Variants in TMEM248 observed in about 807,000 individuals in gnomAD.
TMEM248 encodes transmembrane protein 248.
A neutral mutation model predicts 30.3 loss-of-function variants in TMEM248; 9 were observed. That is an observed-to-expected ratio of 0.30 (90% CI 0.18 to 0.52). The LOEUF (loss-of-function observed/expected upper bound fraction) is 0.52. TMEM248 is among the 20% of genes least tolerant of loss of function. The pLI is 0.97. For missense variants in TMEM248, 338 were observed against 403.3 expected, an observed-to-expected ratio of 0.84 and a Z score of 1.39; for synonymous variants, 184 against 154.4, an observed-to-expected ratio of 1.19 and a Z score of -1.42.
chr7:66,921,470 G>A lies in TMEM248; in HGVS notation c.-19+9G>A, dbSNP rs1481578738. 1 of 150,970 alleles carries A rather than the reference G, an allele frequency of 6.6e-6. No homozygotes were observed. The highest frequency in any genetic ancestry group is 1.5e-5 in the Non-Finnish European group (1 of 67,690). 9.4% of individuals were successfully genotyped at this position (150,970 alleles called of 1,614,324 possible). On this transcript the variant is annotated intron_variant, in intron 1 of 6. Transcript: ENST00000341567. The stretch of plus-strand genomic sequence containing the variant: ...CTGCCCGCCGGGGCGGGGTGAGCCG[G>A]GGCTGGAGGGCGGGCTGGGGTCGGG...
intron 1 of TMEM248, among the ~76,000 whole-genome samples, chr7:66,940,028 A>C (rs1791907179): frequency 1.3e-5 from 2 of 151,834 alleles, no homozygotes. Flanking sequence ...ATCCTGTCTT[A>C]CTGCAACCTC....
intron 1 of TMEM248, among the ~76,000 whole-genome samples, chr7:66,929,988 C>A (rs1056216707): frequency 6.6e-6 from 1 of 151,906 alleles, no homozygotes; most frequent in African/African-American, 2.4e-5. Context: ...GGCAAAATCC[C>A]ATCTCTACAA....
intron 1 of TMEM248, among the ~76,000 whole-genome samples, chr7:66,923,890 C>T (rs1791454205): frequency 6.6e-6 from 1 of 151,950 alleles, no homozygotes; most frequent in Admixed American, 6.6e-5. Flanking sequence ...GGTCTCAAAC[C>T]CTTGACGTCA....
At chr7:66,934,493 G>T (rs556773370) in intron 1 of TMEM248, among the ~76,000 whole-genome samples, 1 of 152,114 alleles carries the variant, frequency 6.6e-6, no homozygotes, top group East Asian at 1.9e-4. Context: ...GAACCACTGC[G>T]CCCGGTCCAT....
At position 66,929,426 on chromosome 7, in the gene TMEM248, A is replaced by ATTTTTTTTTTTTTTTTT. The variant is rs35126436; in HGVS notation, c.-19+7977_-19+7993dup. ...ACAATATCATGGAAATGAGAGACAAATTTTTTTTTTTTTTTTTTTTTTTTT... is the reference window on the plus strand; with the variant it reads ...ACAATATCATGGAAATGAGAGACAAATTTTTTTTTTTTTTTTTTTTTTTTTTTTTTTTTTTTTTTTTT... On this transcript the variant is annotated intron_variant, in intron 1 of 6. Transcript: ENST00000341567. Among the ~76,000 whole-genome samples the ATTTTTTTTTTTTTTTTT allele has an allele frequency of 3.1e-4, 30 of 97,672 alleles. 2 individuals carry two copies. Among genetic ancestry groups the ATTTTTTTTTTTTTTTTT allele is most frequent in the Admixed American group, 9.1e-4 (7 of 7,674 alleles). The allele number at this position is 97,672 out of a possible 152,430, so 64.1% of individuals were successfully genotyped here.
chr7:66,951,347 T>A (rs1792264964), intron 5 of TMEM248: 3 of 420,976 alleles, frequency 7.1e-6, no homozygotes, highest in African/African-American at 2.0e-5. Flanking sequence ...CTGGTTTTTC[T>A]CTTCATTTTC....
chr7:66,941,748 C>A, intron 1 of TMEM248, 100 bp from the exon 2 acceptor site: 1 of 959,224 alleles, frequency 1.0e-6, no homozygotes, highest in Non-Finnish European at 1.5e-6. Flanking sequence ...GAGTGCCCAT[C>A]CCACCCAGCT....
intron 3 of TMEM248, among the ~76,000 whole-genome samples, chr7:66,947,649 G>A (rs1792145858): frequency 1.3e-5 from 2 of 152,052 alleles, no homozygotes; most frequent in Non-Finnish European, 2.9e-5. Context: ...TGATCCGCCC[G>A]CCTCAGCCTC....
chr7:66,945,085 C>A lies in TMEM248; in HGVS notation c.269C>A (p.Thr90Asn). ...NDTTTPESTM[T>N]SGQARASTQS... ...ACCACAACTCCGGAAAGTACAATGA[C>A]CAGCGGGCAGGCCCGAGCTTCCACC... The change falls in exon 3 of 7, where the codon ACC becomes AAC. Residue 90 changes from threonine to asparagine, a missense_variant. Physicochemically the swap from Thr to Asn is moderately conservative, Grantham distance 65. Transcript: ENST00000341567. 6.2e-7 allele frequency: 1 copy of A among 1,614,216 alleles called. No individual in the cohort carries two copies.
At chr7:66,937,833 C>T (rs1791844349) in intron 1 of TMEM248, among the ~76,000 whole-genome samples, 1 of 152,156 alleles carries the variant, frequency 6.6e-6, no homozygotes, top group South Asian at 2.1e-4. Flanking sequence ...GCCTCAGTCT[C>T]CCGAGTAGCT....
intron 2 of TMEM248, among the ~76,000 whole-genome samples, chr7:66,942,732 G>A (rs941937139): frequency 1.3e-5 from 2 of 152,094 alleles, no homozygotes; most frequent in African/African-American, 4.8e-5. Context: ...CTGACCTCAG[G>A]TGATCCACCC....
intron 1 of TMEM248, among the ~76,000 whole-genome samples, chr7:66,938,551 G>A (rs530796865): frequency 1.1e-4 from 16 of 152,012 alleles, no homozygotes; most frequent in Admixed American, 5.2e-4. Context: ...CTCTATCGTC[G>A]AAGCTGAAGT....
At chr7:66,926,833 G>GT (rs1161492730) in intron 1 of TMEM248, among the ~76,000 whole-genome samples, 2 of 152,130 alleles carry the variant, frequency 1.3e-5, no homozygotes, top group Non-Finnish European at 2.9e-5. Flanking sequence ...GGTCTGTAGT[G>GT]TTTTTTCTGC....
intron 2 of TMEM248, among the ~76,000 whole-genome samples, chr7:66,943,200 A>T (rs1792009299): frequency 2.0e-5 from 3 of 152,162 alleles, no homozygotes; most frequent in African/African-American, 7.2e-5. Context: ...CTGCCCCCAC[A>T]TCAGGGCTGA....
chr7:66,927,820 A>C (rs1469828769), intron 1 of TMEM248, among the ~76,000 whole-genome samples: 2 of 152,086 alleles, frequency 1.3e-5, no homozygotes, highest in Non-Finnish European at 2.9e-5. Flanking sequence ...GAATTGTATC[A>C]CATTAAGAAA....
intron 3 of TMEM248, among the ~76,000 whole-genome samples, chr7:66,946,151 A>G (rs1792100091): frequency 6.6e-6 from 1 of 151,560 alleles, no homozygotes; most frequent in Non-Finnish European, 1.5e-5. Flanking sequence ...AGTCCCAGCT[A>G]CTCAGGAGGC....
chr7:66,938,389 T>C (rs1429183879), intron 1 of TMEM248, among the ~76,000 whole-genome samples: 2 of 152,230 alleles, frequency 1.3e-5, no homozygotes, highest in Admixed American at 6.5e-5. Flanking sequence ...GTGAGGGTTG[T>C]TGTTCAAATC....
In TMEM248 at chr7:66,934,242, C is replaced by T. The variant is rs899271862; in HGVS notation, c.-18-7606C>T. Among the ~76,000 whole-genome samples, 5 of 151,318 alleles carry T rather than the reference C, an allele frequency of 3.3e-5. 1 individual carries two copies. The highest frequency in any genetic ancestry group is 1.2e-4 in the African/African-American group (5 of 41,186). On this transcript the variant is annotated intron_variant, in intron 1 of 6. Coordinates refer to ENST00000341567, the MANE Select transcript of TMEM248 (RefSeq NM_017994.5). ...TGAGATGGACTTTTGCTCTTGTTGCCCAGGCTGGAGTGCAGTGGCACAAAG... is the reference window on the plus strand; with the variant it reads ...TGAGATGGACTTTTGCTCTTGTTGCTCAGGCTGGAGTGCAGTGGCACAAAG...
At chr7:66,949,927 T>G (rs1294767171) in intron 4 of TMEM248, among the ~76,000 whole-genome samples, 1 of 152,248 alleles carries the variant, frequency 6.6e-6, no homozygotes, top group African/African-American at 2.4e-5. Context: ...TGAATCCTTT[T>G]TAAATAAGAA....
Sources: allele counts gnomAD v4.1 joint callset (sites outside exome capture counted in the v4.1 genomes callset), GRCh38; gene constraint gnomAD v4.1.1; transcripts MANE v1.5; gene names NCBI Gene and HGNC (gene_info 2026-07-23, HGNC 2026-07-21).